Variants in LRRC4C observed in about 807,000 individuals in gnomAD.
The protein encoded by LRRC4C is leucine-rich repeat-containing protein 4C.
In LRRC4C, 5 loss-of-function variants were observed where a neutral mutation model predicts 33.6. The ratio of observed to expected loss-of-function variants is 0.15; its 90% confidence interval spans 0.08 to 0.31. The LOEUF (loss-of-function observed/expected upper bound fraction) is 0.31. Among genes scored for constraint, LRRC4C ranks in the 10% least tolerant of loss-of-function variants. The pLI, the probability that LRRC4C is intolerant of heterozygous loss-of-function variation, is 1.00. For missense variants in LRRC4C, 560 were observed against 796.7 expected (o/e 0.70, Z 3.58); for synonymous variants, 329 against 302.0 (o/e 1.09, Z -0.93).
At chr11:40,583,967 G>C (rs1435004540) in intron 3 of LRRC4C, among the ~76,000 whole-genome samples, 1 of 151,544 alleles carries the variant, frequency 6.6e-6, no homozygotes, top group Non-Finnish European at 1.5e-5. Context: ...TCTAGTTAAA[G>C]TTACTGACAA....
chr11:41,314,876 T>C (rs1395116812), intron 1 of LRRC4C, among the ~76,000 whole-genome samples: 1 of 152,140 alleles, frequency 6.6e-6, no homozygotes, highest in Admixed American at 6.5e-5. Flanking sequence ...ATTTTCATTC[T>C]CCTGGAAAAC....
intron 3 of LRRC4C, among the ~76,000 whole-genome samples, chr11:40,592,253 C>T (rs933564817): frequency 2.6e-5 from 4 of 152,284 alleles, no homozygotes; most frequent in East Asian, 1.9e-4. Flanking sequence ...AATGGTGTTG[C>T]AGAGAAGGTT....
intron 1 of LRRC4C, among the ~76,000 whole-genome samples, chr11:41,146,386 C>A (rs1943727988): frequency 6.6e-6 from 1 of 152,150 alleles, no homozygotes; most frequent in Non-Finnish European, 1.5e-5. Flanking sequence ...TCATTGCAGG[C>A]AACATATTGC....
chr11:40,822,339 GT>G (rs531126883), intron 2 of LRRC4C, among the ~76,000 whole-genome samples: 1,950 of 142,502 alleles, frequency 0.014, 24 homozygotes, highest in East Asian at 0.035. Context: ...TTGATTCTAG[GT>G]TTTTTTTTTT....
chr11:40,161,571 C>T (rs1475865826), intron 5 of LRRC4C, among the ~76,000 whole-genome samples: 3 of 151,904 alleles, frequency 2.0e-5, no homozygotes, highest in East Asian at 1.9e-4. Flanking sequence ...CTGGGCAACA[C>T]GGTAAGACCC....
intron 2 of LRRC4C, among the ~76,000 whole-genome samples, chr11:40,810,212 T>C (rs575444211): frequency 6.6e-6 from 1 of 152,314 alleles, no homozygotes; most frequent in East Asian, 1.9e-4. Flanking sequence ...CATTATCTAA[T>C]TGACCTTGCA....
intron 1 of LRRC4C, among the ~76,000 whole-genome samples, chr11:41,392,735 C>T (rs12805380): frequency 0.19 from 29,271 of 151,500 alleles, 3,384 homozygotes; most frequent in African/African-American, 0.33. Context: ...GGAAGAAAGA[C>T]ATGTGATAAT....
chr11:40,468,469 C>T (rs1952762581), intron 3 of LRRC4C, among the ~76,000 whole-genome samples: 1 of 152,112 alleles, frequency 6.6e-6, no homozygotes, highest in Non-Finnish European at 1.5e-5. Flanking sequence ...ATTAATTTCA[C>T]TGTTAATCTC....
intron 1 of LRRC4C, among the ~76,000 whole-genome samples, chr11:40,994,021 G>A (rs355247): frequency 0.72 from 109,420 of 151,204 alleles, 39,848 homozygotes; most frequent in Non-Finnish European, 0.75. Flanking sequence ...TGTTACTTTC[G>A]GCTCCTTTTT....
chr11:40,166,255 C>T (rs1039076077), intron 5 of LRRC4C, among the ~76,000 whole-genome samples: 15 of 152,158 alleles, frequency 9.9e-5, no homozygotes, highest in African/African-American at 3.4e-4. Flanking sequence ...GTGGTATTTG[C>T]ACCAATGGAA....
chr11:40,736,413 TTAA>T (rs1947869717), intron 2 of LRRC4C, among the ~76,000 whole-genome samples: 1 of 152,190 alleles, frequency 6.6e-6, no homozygotes, highest in African/African-American at 2.4e-5. Flanking sequence ...CAGTCTATAA[TTAA>T]TGGGCATTTT....
At position 40,441,882 on chromosome 11, in the gene LRRC4C, G is replaced by A. The variant is rs560480518; in HGVS notation, c.-269-122161C>T. Among the ~76,000 whole-genome samples, 37 of 152,284 alleles carry A rather than the reference G, an allele frequency of 2.4e-4. No individual in the cohort carries two copies. The South Asian group carries it at 3.9e-3, about 16-fold the overall frequency. On this transcript the variant is annotated intron_variant, in intron 3 of 6. Transcript: ENST00000528697. ...TTATGCATCATAAAAAGATGAACTG[G>A]CTGGGCACCGTGGCTCACGCCTGTA...
In LRRC4C at chr11:40,431,259, T is replaced by G. The variant is rs191113965; in HGVS notation, c.-269-111538A>C. ...CTGGCTAACATGGTGAAACACTGTC[T>G]CTACTAAAAGTACAAAAATTAGCCA... On this transcript the variant is annotated intron_variant, in intron 3 of 6. Coordinates refer to ENST00000528697, the MANE Select transcript of LRRC4C (RefSeq NM_001258419.2). Among the ~76,000 whole-genome samples the G allele has an allele frequency of 9.4e-4, 143 of 151,828 alleles. 1 individual carries two copies. The highest frequency in any genetic ancestry group is 2.3e-3 in the South Asian group (11 of 4,800).
chr11:41,062,020 C>G (rs1227044900), intron 1 of LRRC4C, among the ~76,000 whole-genome samples: 1 of 152,224 alleles, frequency 6.6e-6, no homozygotes. Flanking sequence ...GTCCTTTACA[C>G]TGCTACATCT....
At chr11:40,684,145 A>T (rs1186488241) in intron 2 of LRRC4C, among the ~76,000 whole-genome samples, 4 of 152,154 alleles carry the variant, frequency 2.6e-5, no homozygotes, top group African/African-American at 7.2e-5. Flanking sequence ...TAAAAATAAA[A>T]ATATTTTAAA....
chr11:41,414,465 G>C (rs78345146), intron 1 of LRRC4C, among the ~76,000 whole-genome samples: 1 of 152,108 alleles, frequency 6.6e-6, no homozygotes, highest in Non-Finnish European at 1.5e-5. Flanking sequence ...TCAACAACTT[G>C]TGATTCTCTC....
At chr11:40,798,593 C>T (rs1009657452) in intron 2 of LRRC4C, among the ~76,000 whole-genome samples, 1 of 151,070 alleles carries the variant, frequency 6.6e-6, no homozygotes, top group Admixed American at 6.6e-5. Flanking sequence ...ATCTGTTTCT[C>T]TATTTCTAGA....
chr11:41,262,210 TA>T (rs1426364966), intron 1 of LRRC4C, among the ~76,000 whole-genome samples: 8 of 151,994 alleles, frequency 5.3e-5, no homozygotes, highest in Middle Eastern at 3.2e-3. Flanking sequence ...TGAAAAAAAT[TA>T]AAAAATTTTC....
At chr11:40,196,464 A>T (rs1332239834) in intron 5 of LRRC4C, among the ~76,000 whole-genome samples, 1 of 152,208 alleles carries the variant, frequency 6.6e-6, no homozygotes, top group Non-Finnish European at 1.5e-5. Context: ...GATTCCCTTA[A>T]AGACAGTCTC....
Sources: gnomAD v4.1 joint callset for allele counts (sites outside exome capture counted in the v4.1 genomes callset) on GRCh38, gnomAD v4.1.1 for gene constraint, MANE v1.5 for transcripts, NCBI Gene and HGNC (gene_info 2026-07-23, HGNC 2026-07-21) for gene names.